Variants in CPSF4 observed in about 807,000 individuals in gnomAD.
CPSF4 encodes the protein cleavage and polyadenylation specificity factor subunit 4.
A neutral mutation model predicts 37.7 loss-of-function variants in CPSF4; 11 were observed. The observed-to-expected ratio is 0.29, with a 90% confidence interval of 0.18 to 0.48. CPSF4 has a LOEUF of 0.48. Among genes scored for constraint, CPSF4 ranks in the 20% least tolerant of loss-of-function variants. The pLI, the probability that CPSF4 is intolerant of heterozygous loss-of-function variation, is 0.99. For missense variants in CPSF4, 144 were observed against 359.5 expected, an observed-to-expected ratio of 0.40 and a Z score of 4.85; for synonymous variants, 132 against 135.9, an observed-to-expected ratio of 0.97 and a Z score of 0.20.
chr7:99,441,259 C>G (rs1374515300), intron 1 of CPSF4: 1 of 370,720 alleles, frequency 2.7e-6, no homozygotes, highest in African/African-American at 2.1e-5. Flanking sequence ...CCGGCCTTTT[C>G]CTGTCTTGAT....
At chr7:99,441,713 G>C (rs1357407863) in intron 1 of CPSF4, among the ~76,000 whole-genome samples, 1 of 151,206 alleles carries the variant, frequency 6.6e-6, no homozygotes, top group Non-Finnish European at 1.5e-5. Flanking sequence ...TTTTTTTTGA[G>C]ACAGAGTCTT....
intron 7 of CPSF4, among the ~76,000 whole-genome samples, chr7:99,454,743 A>C (rs1798185484): frequency 6.6e-6 from 1 of 152,178 alleles, no homozygotes; most frequent in Non-Finnish European, 1.5e-5. Context: ...GGAAAGTTAC[A>C]AACTAAGTTT....
intron 3 of CPSF4, among the ~76,000 whole-genome samples, chr7:99,449,842 G>C (rs182178484): frequency 6.4e-4 from 98 of 152,298 alleles, no homozygotes; most frequent in African/African-American, 2.3e-3. Context: ...ATGTGGCTGG[G>C]GGGTGGCAGA....
At chr7:99,450,157 C>G (rs1372340429) in intron 3 of CPSF4, 119 bp from the exon 4 acceptor site, 2 of 730,638 alleles carry the variant, frequency 2.7e-6, no homozygotes, top group Non-Finnish European at 4.9e-6. Flanking sequence ...AACACTCTTC[C>G]CTGGCTCTCA....
At chr7:99,447,859 C>G (rs1271179327) in intron 2 of CPSF4, 7 of 532,914 alleles carry the variant, frequency 1.3e-5, no homozygotes, top group Non-Finnish European at 2.5e-5. Context: ...ATCCGCCCAC[C>G]TCGGCCTTCC....
chr7:99,447,885 C>T (rs181179671), intron 2 of CPSF4: 11 of 568,246 alleles, frequency 1.9e-5, no homozygotes, highest in Non-Finnish European at 3.3e-5. Flanking sequence ...GCTGGGATTA[C>T]CAGCGTGATC....
chr7:99,440,656 ATATATATATATATATATAT>A (rs1796838121), intron 1 of CPSF4, among the ~76,000 whole-genome samples: 2 of 79,636 alleles, frequency 2.5e-5, no homozygotes, highest in African/African-American at 1.9e-4. Flanking sequence ...TGCACCTGGC[ATATATATATATATATATAT>A]TTTTTTTTTT....
chr7:99,450,558 CT>C, intron 4 of CPSF4, 143 bp from the exon 5 acceptor site: 1 of 801,690 alleles, frequency 1.2e-6, no homozygotes, highest in Non-Finnish European at 2.1e-6. Flanking sequence ...GGTCCACCCG[CT>C]TTTTTGATAA....
At chr7:99,452,778 G>C (rs1562864691) in intron 6 of CPSF4, 1 of 276,452 alleles carries the variant, frequency 3.6e-6, no homozygotes, top group Admixed American at 4.9e-5. Flanking sequence ...CACCGTGTCT[G>C]CTGCTCTTGC....
rs146176297 is a variant in CPSF4 at position 99,455,331 on chromosome 7, C to A, written c.742-1101C>A. 5.4e-3 allele frequency among the ~76,000 whole-genome samples: 826 copies of A among 152,298 alleles called. 4 individuals carry two copies. The highest frequency in any genetic ancestry group is 7.7e-3 in the Admixed American group (118 of 15,308). On this transcript the variant is annotated intron_variant, in intron 7 of 7. Coordinates refer to ENST00000292476, the MANE Select transcript of CPSF4 (RefSeq NM_006693.4). The stretch of plus-strand genomic sequence containing the variant: ...TGAGCAGGGTGTGTGGTCCCTCCCC[C>A]AGCCATCATGTTAGCCCTACAGCCC...
At chr7:99,440,987 G>A (rs1357056796) in intron 1 of CPSF4, among the ~76,000 whole-genome samples, 1 of 77,366 alleles carries the variant, frequency 1.3e-5, no homozygotes, top group Non-Finnish European at 2.4e-5. Flanking sequence ...TTTTGCTTTT[G>A]TCACCCAGGC....
intron 6 of CPSF4, chr7:99,452,689 A>G: frequency 6.1e-6 from 3 of 491,128 alleles, no homozygotes; most frequent in Non-Finnish European, 1.1e-5. Context: ...GCGCCGTGCA[A>G]CTGGCCACCC....
chr7:99,450,754 C>G lies in CPSF4; in HGVS notation c.456C>G (p.Leu152=). The G allele has an allele frequency of 6.2e-7, 1 of 1,614,064 alleles. No homozygotes were observed. Among genetic ancestry groups the G allele is most frequent in the Non-Finnish European group, 8.5e-7 (1 of 1,179,980 alleles). Reference sequence around the variant, plus strand: ...GGAGAGTCATCTGTGTGAATTACCTCGTGGGATTCTGCCCGGAGGGGCCCT... The same window carrying G: ...GGAGAGTCATCTGTGTGAATTACCTGGTGGGATTCTGCCCGGAGGGGCCCT... ...HTRRVICVNY[L]VGFCPEGPSC... Residue 152 remains leucine, a synonymous_variant, in exon 5 of 8, where the codon CTC becomes CTG. Transcript: ENST00000292476.
chr7:99,450,295 A>G lies in CPSF4; in HGVS notation c.327A>G (p.Glu109=). 6.2e-7 allele frequency: 1 copy of G among 1,613,712 alleles called. No individual in the cohort carries two copies. The highest frequency in any genetic ancestry group is 1.7e-5 in the Admixed American group (1 of 59,976). The change falls in exon 4 of 8, where the codon GAA becomes GAG. Residue 109 remains glutamate, a synonymous_variant. Coordinates refer to ENST00000292476, the MANE Select transcript of CPSF4 (RefSeq NM_006693.4). The part of the protein sequence containing the change: ...YSKFGECSNK[E]CPFLHIDPES... ...CTGCAGGGGAGTGCAGCAACAAGGA[A>G]TGTCCCTTCCTGCACATCGACCCCG... is the stretch of plus-strand genomic sequence containing the variant.
At chr7:99,443,673 C>T (rs1385823352) in intron 1 of CPSF4, among the ~76,000 whole-genome samples, 1 of 152,184 alleles carries the variant, frequency 6.6e-6, no homozygotes, top group Non-Finnish European at 1.5e-5. Flanking sequence ...AATCCCAGCA[C>T]TTTGGGAGGC....
At chr7:99,442,417 G>A (rs938600262) in intron 1 of CPSF4, among the ~76,000 whole-genome samples, 7 of 152,004 alleles carry the variant, frequency 4.6e-5, no homozygotes, top group African/African-American at 1.7e-4. Context: ...AGCACTTTGG[G>A]AGGCCGAGGC....
At chr7:99,440,674 A>ATATATATATTTTTTTTTT in intron 1 of CPSF4, among the ~76,000 whole-genome samples, 50 of 88,070 alleles carry the variant, frequency 5.7e-4, no homozygotes, top group Admixed American at 7.0e-4. Flanking sequence ...ATATATATAT[A>ATATATATATTTTTTTTTT]TTTTTTTTTT....
intron 1 of CPSF4, 38 bp downstream of exon 1, chr7:99,439,223 C>G: frequency 6.8e-7 from 1 of 1,470,602 alleles, no homozygotes; most frequent in South Asian, 1.2e-5. Context: ...AAGAGCGACT[C>G]GAACCCGGGA....
chr7:99,451,998 A>T (rs1797963082), intron 5 of CPSF4, among the ~76,000 whole-genome samples: 1 of 152,216 alleles, frequency 6.6e-6, no homozygotes, highest in Non-Finnish European at 1.5e-5. Flanking sequence ...GGCTGACGCC[A>T]GAGTAAGACC....
Sources: gnomAD v4.1 joint callset for allele counts (sites outside exome capture counted in the v4.1 genomes callset) on GRCh38, gnomAD v4.1.1 for gene constraint, MANE v1.5 for transcripts, NCBI Gene and HGNC (gene_info 2026-07-23, HGNC 2026-07-21) for gene names.